COL26A1: variants seen among roughly 807,000 people sequenced by gnomAD.
COL26A1 encodes collagen alpha-1(XXVI) chain.
In COL26A1, 41 loss-of-function variants were observed where a neutral mutation model predicts 59.3. That is an observed-to-expected ratio of 0.69 (90% CI 0.54 to 0.90). The LOEUF (loss-of-function observed/expected upper bound fraction) is 0.90. Among genes scored for constraint, COL26A1 ranks in the 40% least tolerant of loss-of-function variants. COL26A1 has a pLI of 0.00. For synonymous variants in COL26A1, 266 were observed against 256.0 expected, an observed-to-expected ratio of 1.04 and a Z score of -0.37; for missense variants, 612 against 602.3, an observed-to-expected ratio of 1.02 and a Z score of -0.17.
intron 1 of COL26A1, among the ~76,000 whole-genome samples, chr7:101,386,515 G>A (rs1214271759): frequency 3.3e-5 from 5 of 152,148 alleles, no homozygotes; most frequent in Non-Finnish European, 7.4e-5. Context: ...CTTTGTTCTC[G>A]TTTCACGCAC....
At chr7:101,364,035 C>T (rs1265634145) in intron 1 of COL26A1, among the ~76,000 whole-genome samples, 1 of 152,028 alleles carries the variant, frequency 6.6e-6, no homozygotes, top group Non-Finnish European at 1.5e-5. Context: ...GGCTCCGTGG[C>T]GGGGTTGGAG....
chr7:101,414,531 G>A (rs563590773), intron 1 of COL26A1, among the ~76,000 whole-genome samples: 1 of 151,876 alleles, frequency 6.6e-6, no homozygotes, highest in African/African-American at 2.4e-5. Flanking sequence ...TCTACCTCCC[G>A]GGCTCAAGCA....
intron 3 of COL26A1, among the ~76,000 whole-genome samples, chr7:101,453,478 C>G (rs1197499974): frequency 6.6e-6 from 1 of 152,212 alleles, no homozygotes; most frequent in African/African-American, 2.4e-5. Context: ...AGTTCTTGGA[C>G]TGATTATGAT....
intron 3 of COL26A1, among the ~76,000 whole-genome samples, chr7:101,479,090 C>T (rs906547415): frequency 3.3e-5 from 5 of 152,290 alleles, no homozygotes; most frequent in East Asian, 3.9e-4. Context: ...CTTGTGCATG[C>T]GAGCAAAGGC....
intron 3 of COL26A1, among the ~76,000 whole-genome samples, chr7:101,465,213 A>G (rs565799178): frequency 2.0e-5 from 3 of 151,144 alleles, no homozygotes; most frequent in Non-Finnish European, 4.4e-5. Context: ...CTAAGTTTTA[A>G]ATTTTTCACA....
chr7:101,506,420 A>G (rs986889297), intron 3 of COL26A1, among the ~76,000 whole-genome samples: 1 of 152,224 alleles, frequency 6.6e-6, no homozygotes, highest in Non-Finnish European at 1.5e-5. Context: ...TTGGCTGCCA[A>G]TGAAAGAGCT....
intron 1 of COL26A1, among the ~76,000 whole-genome samples, chr7:101,402,857 C>G (rs944320019): frequency 6.9e-6 from 1 of 145,806 alleles, no homozygotes; most frequent in Non-Finnish European, 1.5e-5. Context: ...CTTTCCTCTT[C>G]CTTTCTTTGA....
At position 101,486,505 on chromosome 7, in the gene COL26A1, C is replaced by T. The variant is rs963942588; in HGVS notation, c.385+38718C>T. The stretch of plus-strand genomic sequence containing the variant: ...TTGCGGTGGCGGGAAGGGCTGGAGA[C>T]AGCCCTCACCCGCCCGCCCTGGCCC... On this transcript the variant is annotated intron_variant, in intron 3 of 12. Coordinates refer to ENST00000313669, the MANE Select transcript of COL26A1 (RefSeq NM_001278563.3). Among the ~76,000 whole-genome samples, 18 of 152,226 alleles carry T rather than the reference C, an allele frequency of 1.2e-4. 1 individual carries two copies. Among genetic ancestry groups the T allele is most frequent in the African/African-American group, 3.6e-4 (15 of 41,470 alleles).
In COL26A1 at chr7:101,492,750, T is replaced by TAAA. The variant is rs1346263365; in HGVS notation, c.386-40329_386-40327dup. Among the ~76,000 whole-genome samples the TAAA allele has an allele frequency of 2.1e-5, 3 of 145,874 alleles. No individual in the cohort carries two copies. In the East Asian group the frequency reaches 6.1e-4, roughly 30 times the overall value. ...AATAAATAAATAAATAAATAAATAA[T>TAAA]AAAAATAGAGATGGGGTCTTGTTCT... On this transcript the variant is annotated intron_variant, in intron 3 of 12. Coordinates refer to ENST00000313669, the MANE Select transcript of COL26A1 (RefSeq NM_001278563.3).
chr7:101,467,309 TAGAG>T (rs1793786125), intron 3 of COL26A1, among the ~76,000 whole-genome samples: 1 of 140,856 alleles, frequency 7.1e-6, no homozygotes, highest in Non-Finnish European at 1.5e-5. Flanking sequence ...CTCCTGCAGA[TAGAG>T]AGGGGCTGCC....
intron 2 of COL26A1, among the ~76,000 whole-genome samples, chr7:101,437,881 T>C (rs377062177): frequency 6.6e-6 from 1 of 151,876 alleles, no homozygotes; most frequent in East Asian, 1.9e-4. Context: ...CTGGCTAATT[T>C]TTAAATTTTT....
At chr7:101,525,949 G>T (rs908951002) in intron 3 of COL26A1, among the ~76,000 whole-genome samples, 1 of 152,200 alleles carries the variant, frequency 6.6e-6, no homozygotes, top group African/African-American at 2.4e-5. Context: ...GATCCAGCCA[G>T]TCTCCTTGGG....
At chr7:101,526,492 A>C (rs1050625532) in intron 3 of COL26A1, among the ~76,000 whole-genome samples, 2 of 152,196 alleles carry the variant, frequency 1.3e-5, no homozygotes, top group African/African-American at 4.8e-5. Context: ...GGACAGGACC[A>C]TCCATGTGCC....
intron 1 of COL26A1, among the ~76,000 whole-genome samples, chr7:101,387,168 C>T (rs1194561085): frequency 1.3e-5 from 2 of 152,040 alleles, no homozygotes; most frequent in South Asian, 2.1e-4. Flanking sequence ...AGCTGACACT[C>T]CCAAGAGCTG....
chr7:101,473,129 G>T (rs1007253851), intron 3 of COL26A1, among the ~76,000 whole-genome samples: 2 of 151,530 alleles, frequency 1.3e-5, no homozygotes, highest in Admixed American at 6.6e-5. Flanking sequence ...GCCCAGGCTG[G>T]AGTGCAGTGG....
chr7:101,447,808 G>C (rs760080929), intron 3 of COL26A1, 21 bp downstream of exon 3: 2 of 1,479,948 alleles, frequency 1.4e-6, no homozygotes, highest in Admixed American at 1.9e-5. Flanking sequence ...AGGCACTTGG[G>C]CTGCAGGGGG....
At chr7:101,375,348 G>A (rs1021934723) in intron 1 of COL26A1, among the ~76,000 whole-genome samples, 1 of 152,112 alleles carries the variant, frequency 6.6e-6, no homozygotes, top group Non-Finnish European at 1.5e-5. Flanking sequence ...CTCAGATGGT[G>A]TAGTGTGCTG....
intron 3 of COL26A1, among the ~76,000 whole-genome samples, chr7:101,520,033 G>A (rs1020378737): frequency 6.6e-6 from 1 of 152,114 alleles, no homozygotes; most frequent in Non-Finnish European, 1.5e-5. Context: ...ATAAAATGGG[G>A]CAATAATCCC....
chr7:101,407,919 A>G (rs944114598), intron 1 of COL26A1, among the ~76,000 whole-genome samples: 13 of 152,304 alleles, frequency 8.5e-5, no homozygotes, highest in African/African-American at 2.6e-4. Flanking sequence ...TAATTTGCAT[A>G]CCATTAAGAT....
Sources: allele counts gnomAD v4.1 joint callset (sites outside exome capture counted in the v4.1 genomes callset), GRCh38; gene constraint gnomAD v4.1.1; transcripts MANE v1.5; gene names NCBI Gene and HGNC (gene_info 2026-07-23, HGNC 2026-07-21).